Variants in PAK1 observed in about 807,000 individuals in gnomAD.
PAK1 encodes p21 (RAC1) activated kinase 1.
In PAK1, 29 loss-of-function variants were observed where a neutral mutation model predicts 67.4. That is an observed-to-expected ratio of 0.43 (90% CI 0.32 to 0.59). The LOEUF is 0.59. Ranked by LOEUF, PAK1 falls within the 20% of genes least tolerant of loss-of-function variation. PAK1 has a pLI of 0.07. For missense variants in PAK1, 337 were observed against 670.7 expected, an observed-to-expected ratio of 0.50 and a Z score of 5.50; for synonymous variants, 223 against 237.4, an observed-to-expected ratio of 0.94 and a Z score of 0.56.
intron 14 of PAK1, among the ~76,000 whole-genome samples, chr11:77,325,640 C>T (rs1939631066): frequency 6.6e-6 from 1 of 152,084 alleles, no homozygotes; most frequent in Admixed American, 6.6e-5. Context: ...ACACATTTCC[C>T]AGTGCCCACA....
intron 2 of PAK1, among the ~76,000 whole-genome samples, chr11:77,391,267 G>C (rs1951104890): frequency 6.6e-6 from 1 of 152,124 alleles, no homozygotes; most frequent in African/African-American, 2.4e-5. Context: ...AAGGAGTAAA[G>C]AGACAGAGAC....
At chr11:77,331,966 C>T (rs1941643327) in intron 14 of PAK1, among the ~76,000 whole-genome samples, 1 of 152,052 alleles carries the variant, frequency 6.6e-6, no homozygotes. Context: ...CTCAAACAAA[C>T]TCTGCCAGAC....
chr11:77,346,132 C>T (rs577280876), intron 9 of PAK1, among the ~76,000 whole-genome samples: 1 of 152,284 alleles, frequency 6.6e-6, no homozygotes, highest in Non-Finnish European at 1.5e-5. Flanking sequence ...TGCCATCGCA[C>T]CCAGCTAATT....
intron 1 of PAK1, among the ~76,000 whole-genome samples, chr11:77,434,963 A>G (rs1255477150): frequency 1.3e-5 from 2 of 151,688 alleles, no homozygotes; most frequent in Non-Finnish European, 2.9e-5. Context: ...GGGTTTCCCT[A>G]TGTTGCCCAG....
At chr11:77,525,666 T>C in the PAK1 span, among the ~76,000 whole-genome samples, 3 of 152,328 alleles carry the variant, frequency 2.0e-5, no homozygotes, top group Admixed American at 6.5e-5. Flanking sequence ...GAGGGCTCCA[T>C]AGACAAAGGA....
Position 77,358,965 on chromosome 11 carries a change from T to G in PAK1, c.530A>C (p.Glu177Ala). The G allele has an allele frequency of 1.2e-6, 2 of 1,613,376 alleles. No individual in the cohort carries two copies. The highest frequency in any genetic ancestry group is 1.7e-6 in the Non-Finnish European group (2 of 1,179,492). ...GGTAGCATCATCATCATCATCATCCTCATCTTCTGAAACTGGTGGCACTGC... is the reference window on the plus strand; with the variant it reads ...GGTAGCATCATCATCATCATCATCCGCATCTTCTGAAACTGGTGGCACTGC... The part of the protein sequence containing the change: ...TPAVPPVSED[E>A]DDDDDDATPP... Residue 177 changes from glutamate to alanine, a missense_variant, in exon 6 of 15, where the codon GAG becomes GCG. Physicochemically the swap from Glu to Ala is moderately radical, Grantham distance 107 (BLOSUM62 -1). This residue lies in a region of PAK1 where 150 missense variants were observed against 179.0 expected (regional missense o/e 0.84). Coordinates refer to ENST00000356341, the MANE Select transcript of PAK1 (RefSeq NM_002576.5).
intron 5 of PAK1, among the ~76,000 whole-genome samples, chr11:77,368,287 G>A (rs1052924361): frequency 2.0e-5 from 3 of 152,310 alleles, no homozygotes; most frequent in South Asian, 2.1e-4. Flanking sequence ...TAGCAGTACC[G>A]AAAGCTAGAT....
chr11:77,472,028 T>C (rs1957881089), intron 1 of PAK1, among the ~76,000 whole-genome samples: 1 of 152,172 alleles, frequency 6.6e-6, no homozygotes, highest in Non-Finnish European at 1.5e-5. Context: ...CAGACCTTCA[T>C]TGTTTACTTG....
intron 1 of PAK1, among the ~76,000 whole-genome samples, chr11:77,408,560 C>A (rs140153744): frequency 3.3e-5 from 5 of 151,860 alleles, no homozygotes; most frequent in Admixed American, 6.6e-5. Flanking sequence ...CACACACACA[C>A]ACACACACAC....
At chr11:77,451,368 A>C (rs1397870937) in intron 1 of PAK1, among the ~76,000 whole-genome samples, 1 of 152,162 alleles carries the variant, frequency 6.6e-6, no homozygotes, top group Non-Finnish European at 1.5e-5. Context: ...AAATCTGAAC[A>C]AACCAGCCTT....
upstream of PAK1, among the ~76,000 whole-genome samples, chr11:77,478,427 G>A (rs1958082698): frequency 1.3e-5 from 2 of 152,044 alleles, no homozygotes; most frequent in South Asian, 2.1e-4. Context: ...GCCCTCAAAT[G>A]AGCCATTACT....
At chr11:77,373,635 T>C (rs960923684) in intron 5 of PAK1, among the ~76,000 whole-genome samples, 10 of 143,536 alleles carry the variant, frequency 7.0e-5, no homozygotes. Context: ...CCCTTTCAAA[T>C]ACATCAACAT....
Position 77,339,167 on chromosome 11 carries a change from T to A in PAK1, c.1116+1479A>T, listed in dbSNP as rs889973925. Among the ~76,000 whole-genome samples, 3 of 152,176 alleles carry A rather than the reference T, an allele frequency of 2.0e-5. No individual in the cohort carries two copies. In the East Asian group the frequency reaches 5.8e-4, roughly 29 times the overall value. ...CTATTATACAACATTAACATTTTTT[T>A]CCAAGTGCTTTTTGATCCATATAGC... On this transcript the variant is annotated intron_variant, in intron 11 of 14. Coordinates refer to ENST00000356341, the MANE Select transcript of PAK1 (RefSeq NM_002576.5).
intron 1 of PAK1, among the ~76,000 whole-genome samples, chr11:77,417,230 G>A (rs1383554583): frequency 3.3e-5 from 5 of 152,162 alleles, no homozygotes; most frequent in African/African-American, 9.7e-5. Flanking sequence ...AACTGGAAGC[G>A]ACTGAGATAT....
In PAK1 at chr11:77,387,636, T is replaced by C. The variant is rs1950618237; in HGVS notation, c.190+4695A>G. Among the ~76,000 whole-genome samples the C allele has an allele frequency of 2.6e-5, 4 of 152,252 alleles. No individual in the cohort carries two copies. The South Asian group carries it at 8.3e-4, about 31-fold the overall frequency. On this transcript the variant is annotated intron_variant, in intron 2 of 14. Coordinates refer to ENST00000356341, the MANE Select transcript of PAK1 (RefSeq NM_002576.5). ...TTTTAAAAAACAAACCTCCTATTTG[T>C]ATTGCATTTTAGTTTAGAAAATGCT...
intron 7 of PAK1, 120 bp from the exon 8 acceptor site, chr11:77,353,719 A>C: frequency 1.3e-6 from 1 of 749,766 alleles, no homozygotes; most frequent in Non-Finnish European, 2.3e-6. Flanking sequence ...ATAGCCAAAA[A>C]GCATGCTAAA....
the PAK1 span, among the ~76,000 whole-genome samples, chr11:77,518,845 C>G: frequency 2.5e-4 from 38 of 152,184 alleles, no homozygotes; most frequent in African/African-American, 8.0e-4. Context: ...TGTCTCCACA[C>G]TAACTTTTTT....
chr11:77,486,513 T>C, the PAK1 span, among the ~76,000 whole-genome samples: 1 of 152,204 alleles, frequency 6.6e-6, no homozygotes, highest in South Asian at 2.1e-4. Context: ...TTTAACTTCA[T>C]ATTACTTAAA....
chr11:77,375,893 A>G (rs1289262821), intron 4 of PAK1, among the ~76,000 whole-genome samples: 2 of 152,188 alleles, frequency 1.3e-5, no homozygotes, highest in Non-Finnish European at 2.9e-5. Flanking sequence ...ATCATGTAAA[A>G]AAGTGCTAGA....
Sources: allele counts gnomAD v4.1 joint callset (sites outside exome capture counted in the v4.1 genomes callset), GRCh38; gene constraint gnomAD v4.1.1; regional missense constraint gnomAD v4.1.1; transcripts MANE v1.5; gene names NCBI Gene and HGNC (gene_info 2026-07-23, HGNC 2026-07-21).